KIAA1671: variants seen among roughly 807,000 people sequenced by gnomAD.
KIAA1671 encodes KIAA1671, also known as uncharacterized protein KIAA1671.
A neutral mutation model predicts 131.2 loss-of-function variants in KIAA1671; 52 were observed. The observed-to-expected ratio is 0.40, with a 90% CI of 0.32 to 0.50. The LOEUF is 0.50. Among genes scored for constraint, KIAA1671 ranks in the 20% least tolerant of loss-of-function variants. KIAA1671 has a pLI of 0.73. For synonymous variants in KIAA1671, 1,003 were observed against 961.6 expected (o/e 1.04, Z -0.80); for missense variants, 2,360 against 2,364.2 (o/e 1.00, Z 0.04).
intron 8 of KIAA1671, 59 bp downstream of exon 8, chr22:25,174,548 A>G: frequency 2.0e-6 from 3 of 1,467,338 alleles, no homozygotes; most frequent in Non-Finnish European, 2.7e-6. Context: ...CTCTCTGTGA[A>G]TTGCCACTTC....
chr22:25,038,852 G>A lies in KIAA1671; in HGVS notation c.1722G>A (p.Gln574=), dbSNP rs984232437. The A allele has an allele frequency of 6.4e-7, 1 of 1,551,696 alleles. No individual in the cohort carries two copies. Among genetic ancestry groups the A allele is most frequent in the African/African-American group, 1.4e-5 (1 of 73,062 alleles). ...TLRDKSRQTE[Q]KVSSNQDPDS... is the part of the protein sequence containing the mutation. ...GGGATAAGTCCAGGCAGACGGAGCA[G>A]AAGGTTAGCTCTAACCAAGACCCCG... Residue 574 remains glutamine (Q), a synonymous_variant, in exon 5 of 13, where the codon CAG becomes CAA. Transcript: ENST00000358431.
At position 25,028,313 on chromosome 22, in the gene KIAA1671, A is replaced by G. The variant is rs1044229349; in HGVS notation, c.314A>G (p.Asp105Gly). Residue 105 changes from aspartate (D) to glycine (G), a missense_variant, in exon 3 of 13, where the codon GAT (aspartate) becomes GGT (glycine). This residue lies in a region of KIAA1671 where 1,185 missense variants were observed against 1,126.2 expected (regional missense o/e 1.05). Transcript: ENST00000358431. ...GGLSEEPAAKDLDNRMPGLVG... is the reference protein window; with the variant it reads ...GGLSEEPAAKGLDNRMPGLVG... ...CTCTCTGAGGAGCCAGCAGCAAAGG[A>G]TCTGGACAACAGGATGCCCGGCTTG... is the stretch of plus-strand genomic sequence containing the variant. The G allele has an allele frequency of 6.4e-6, 10 of 1,551,098 alleles. No homozygotes were observed. In the Admixed American group the frequency reaches 1.8e-4, roughly 27 times the overall value.
chr22:25,175,144 T>C (rs936430098), intron 8 of KIAA1671: 3 of 152,274 alleles, frequency 2.0e-5, no homozygotes, highest in African/African-American at 4.8e-5. Flanking sequence ...CCAGAACTTA[T>C]CCTCCTTTCC....
chr22:25,056,652 A>G (rs7289323), intron 6 of KIAA1671: 13,529 of 150,302 alleles, frequency 0.09, 2,357 homozygotes, highest in African/African-American at 0.31. Flanking sequence ...CATCTGTACT[A>G]AAAATACAAA....
At chr22:24,967,865 T>C (rs570948678) in intron 1 of KIAA1671, among the ~76,000 whole-genome samples, 42 of 151,870 alleles carry the variant, frequency 2.8e-4, no homozygotes, top group South Asian at 4.2e-4. Context: ...TGGTGGCGGG[T>C]GCCTGTAGTC....
At chr22:25,168,939 A>G (rs1933743487) in intron 6 of KIAA1671, among the ~76,000 whole-genome samples, 1 of 152,174 alleles carries the variant, frequency 6.6e-6, no homozygotes, top group Admixed American at 6.5e-5. Flanking sequence ...TTGGATTTCT[A>G]CGTGAGGACA....
intron 4 of KIAA1671, among the ~76,000 whole-genome samples, chr22:25,036,474 C>T (rs1049194039): frequency 3.3e-5 from 5 of 151,922 alleles, no homozygotes; most frequent in Non-Finnish European, 7.4e-5. Context: ...GTGAAATTTA[C>T]AAAATTTACA....
chr22:25,040,253 G>C lies in KIAA1671; in HGVS notation c.3123G>C (p.Lys1041Asn). 1.3e-6 allele frequency: 2 copies of C among 1,551,708 alleles called. No individual in the cohort carries two copies. Among genetic ancestry groups the C allele is most frequent in the Non-Finnish European group, 1.7e-6 (2 of 1,147,006 alleles). Residue 1041 changes from lysine to asparagine, a missense_variant, in exon 5 of 13, where the codon AAG (lysine) becomes AAC (asparagine). By Grantham distance (94) the Lys-to-Asn change is moderately conservative. Transcript: ENST00000358431. ...TYQIPNTQKA[K>N]GVVLSGAESL... ...AGATTCCCAATACTCAAAAGGCAAA[G>C]GGTGTGGTTCTGTCAGGAGCTGAAA...
At chr22:25,045,086 G>A (rs866647603) in intron 5 of KIAA1671, among the ~76,000 whole-genome samples, 12 of 152,130 alleles carry the variant, frequency 7.9e-5, no homozygotes, top group South Asian at 6.2e-4. Context: ...GCGTGAACCC[G>A]GGAGGCGGAG....
chr22:25,041,235 A>G lies in KIAA1671; in HGVS notation c.4105A>G (p.Thr1369Ala), dbSNP rs1926907171. The G allele has an allele frequency of 1.4e-5, 22 of 1,551,630 alleles. No homozygotes were observed. The highest frequency in any genetic ancestry group is 1.8e-5 in the Non-Finnish European group (21 of 1,147,012). The change falls in exon 5 of 13, where the codon ACT (threonine) becomes GCT (alanine). Residue 1369 changes from threonine to alanine, a missense_variant. Transcript: ENST00000358431. ...CAGGGTGTCACCCAAATCGCCCCCC[A>G]CTGACCAGAAGAAAGGGACCCCAAG... The part of the protein sequence containing the change: ...GVRVSPKSPP[T>A]DQKKGTPRKS...
Position 25,039,689 on chromosome 22 carries a change from G to A in KIAA1671, c.2559G>A (p.Lys853=). ...GGGCCACCTCCGTCAGGGCTATCAA[G>A]GCTGCCATCTGGGAAAGCCAGCATG... ...APGATSVRAI[K]AAIWESQHEG... The change falls in exon 5 of 13, where the codon AAG becomes AAA. Residue 853 remains lysine (K), a synonymous_variant. Transcript: ENST00000358431. 6.6e-7 allele frequency: 1 copy of A among 1,518,488 alleles called. No individual in the cohort carries two copies. The allele number at this position is 1,518,488 out of a possible 1,614,324, so 94.1% of individuals were successfully genotyped here.
At chr22:25,137,004 G>A (rs1467876538) in intron 6 of KIAA1671, among the ~76,000 whole-genome samples, 1 of 152,156 alleles carries the variant, frequency 6.6e-6, no homozygotes, top group Admixed American at 6.5e-5. Flanking sequence ...ATACCTTTCA[G>A]CTCCGCAATC....
rs752313260 is a variant in KIAA1671 at position 25,036,887 on chromosome 22, G to A, written c.1630-1873G>A. Among the ~76,000 whole-genome samples the A allele has an allele frequency of 5.1e-3, 772 of 152,126 alleles. 3 individuals carry two copies. Among genetic ancestry groups the A allele is most frequent in the Non-Finnish European group, 9.2e-3 (627 of 67,996 alleles). Reference sequence around the variant, plus strand: ...TGCGGTGAGCCGAGATCGCGCCATTGTACTCCAGCCTGGGTGACAAGAGCG... The same window carrying A: ...TGCGGTGAGCCGAGATCGCGCCATTATACTCCAGCCTGGGTGACAAGAGCG... On this transcript the variant is annotated intron_variant, in intron 4 of 12. Coordinates refer to ENST00000358431, the MANE Select transcript of KIAA1671 (RefSeq NM_001145206.2).
At chr22:25,146,752 A>G (rs1470496408) in intron 6 of KIAA1671, among the ~76,000 whole-genome samples, 2 of 152,230 alleles carry the variant, frequency 1.3e-5, no homozygotes, top group Non-Finnish European at 2.9e-5. Context: ...TTTGGAGATC[A>G]TATTTATTAA....
intron 9 of KIAA1671, chr22:25,179,330 C>G: frequency 6.3e-7 from 1 of 1,590,888 alleles, no homozygotes; most frequent in Non-Finnish European, 8.6e-7. Flanking sequence ...TCTCCTCTCG[C>G]TGCTCCTTGT....
At chr22:25,080,633 C>T (rs545293367) in intron 6 of KIAA1671, among the ~76,000 whole-genome samples, 3 of 152,236 alleles carry the variant, frequency 2.0e-5, no homozygotes, top group Admixed American at 6.5e-5. Flanking sequence ...ACTAAAGCCT[C>T]GAACATCTGG....
At chr22:25,009,732 C>G (rs2018124247) in intron 1 of KIAA1671, 1 of 152,164 alleles carries the variant, frequency 6.6e-6, no homozygotes, top group African/African-American at 2.4e-5. Context: ...CAGGCGCATG[C>G]CACCACGCCC....
chr22:24,997,790 T>C (rs1392417009), intron 1 of KIAA1671, among the ~76,000 whole-genome samples: 2 of 152,152 alleles, frequency 1.3e-5, no homozygotes, highest in Non-Finnish European at 2.9e-5. Context: ...TTTACGTATG[T>C]ATACAAGATG....
rs1487776668 is a variant in KIAA1671, at chr22:25,029,414, C to T, written c.1415C>T (p.Pro472Leu). ...TPASPSAAPE[P>L]EKGVVSVQER... ...GCGTCCCCATCGGCGGCACCAGAGC[C>T]GGAGAAAGGGGTTGTGAGCGTTCAG... The change falls in exon 3 of 13, where the codon CCG becomes CTG. Residue 472 changes from proline to leucine, a missense_variant. Pro to Leu is a moderately conservative substitution (Grantham distance 98). This residue lies in a region of KIAA1671 where 1,185 missense variants were observed against 1,126.2 expected (regional missense o/e 1.05). Transcript: ENST00000358431. The T allele has an allele frequency of 2.2e-5, 34 of 1,551,278 alleles. No individual in the cohort carries two copies. Among genetic ancestry groups the T allele is most frequent in the Admixed American group, 3.9e-5 (2 of 50,974 alleles).
Sources: allele counts gnomAD v4.1 joint callset (sites outside exome capture counted in the v4.1 genomes callset), GRCh38; gene constraint gnomAD v4.1.1; regional missense constraint gnomAD v4.1.1; transcripts MANE v1.5; gene names NCBI Gene and HGNC (gene_info 2026-07-23, HGNC 2026-07-21).